Variants in CCDC148 observed in about 807,000 individuals in gnomAD.
The protein encoded by CCDC148 is coiled-coil domain containing 148, also known as coiled-coil domain-containing protein 148.
In CCDC148, 89 loss-of-function variants were observed where a neutral mutation model predicts 85.7. The ratio of observed to expected loss-of-function variants is 1.04; its 90% CI spans 0.87 to 1.24. CCDC148 has a LOEUF of 1.24. Ranked by LOEUF, CCDC148 falls within the 50% of genes most tolerant of loss-of-function variation. The pLI is 0.00. For synonymous variants in CCDC148, 230 were observed against 213.9 expected (o/e 1.08, Z -0.66); for missense variants, 692 against 671.7 (o/e 1.03, Z -0.33).
intron 1 of CCDC148, among the ~76,000 whole-genome samples, chr2:158,446,889 TC>T (rs1476665008): frequency 6.6e-6 from 1 of 152,192 alleles, no homozygotes; most frequent in Non-Finnish European, 1.5e-5. Flanking sequence ...TCTGGCTTTT[TC>T]TCTCTTGGCA....
intron 1 of CCDC148, among the ~76,000 whole-genome samples, chr2:158,368,015 C>G (rs911359144): frequency 4.6e-5 from 7 of 152,094 alleles, no homozygotes; most frequent in African/African-American, 1.7e-4. Flanking sequence ...TAGTCAGTAG[C>G]AGAACTTTCA....
At chr2:158,430,832 A>T (rs1687313228) in intron 1 of CCDC148, among the ~76,000 whole-genome samples, 1 of 152,164 alleles carries the variant, frequency 6.6e-6, no homozygotes, top group South Asian at 2.1e-4. Flanking sequence ...AAATAGATCA[A>T]ATAAGTGTTA....
At chr2:158,443,985 C>T (rs1322509309) in intron 1 of CCDC148, among the ~76,000 whole-genome samples, 1 of 152,154 alleles carries the variant, frequency 6.6e-6, no homozygotes, top group African/African-American at 2.4e-5. Flanking sequence ...ACAGTGTACC[C>T]ATATCGAAGG....
At chr2:158,177,875 G>A (rs1041757656) in intron 12 of CCDC148, among the ~76,000 whole-genome samples, 1 of 151,984 alleles carries the variant, frequency 6.6e-6, no homozygotes, top group Admixed American at 6.6e-5. Flanking sequence ...ACCTAACCTC[G>A]GTGTCTCCTC....
intron 2 of CCDC148, among the ~76,000 whole-genome samples, chr2:158,351,364 G>C (rs918891509): frequency 6.6e-6 from 1 of 152,224 alleles, no homozygotes; most frequent in Admixed American, 6.5e-5. Context: ...GTGGGCGCAG[G>C]TCAGTGGGTG....
chr2:158,331,908 G>A (rs878987740), intron 7 of CCDC148, among the ~76,000 whole-genome samples: 57 of 152,234 alleles, frequency 3.7e-4, no homozygotes, highest in Admixed American at 2.0e-4. Flanking sequence ...GTCTCTGCAC[G>A]AGAGATGGGT....
intron 1 of CCDC148, among the ~76,000 whole-genome samples, chr2:158,383,956 C>G (rs958138158): frequency 6.6e-6 from 1 of 152,176 alleles, no homozygotes; most frequent in East Asian, 1.9e-4. Flanking sequence ...AGAATTGCTA[C>G]TCAGTCTTTG....
chr2:158,210,778 C>T (rs1467644628), intron 11 of CCDC148, among the ~76,000 whole-genome samples: 2 of 69,348 alleles, frequency 2.9e-5, no homozygotes, highest in South Asian at 4.7e-4. Context: ...CGTGTCTCTA[C>T]TAAAAATACA....
At chr2:158,306,891 CA>C (rs993824174) in intron 9 of CCDC148, among the ~76,000 whole-genome samples, 4 of 149,988 alleles carry the variant, frequency 2.7e-5, no homozygotes, top group African/African-American at 9.8e-5. Flanking sequence ...TGGTTGCAGG[CA>C]CCTGTAGTCC....
At chr2:158,305,628 C>T (rs1310644269) in intron 9 of CCDC148, among the ~76,000 whole-genome samples, 2 of 151,892 alleles carry the variant, frequency 1.3e-5, no homozygotes, top group Non-Finnish European at 2.9e-5. Flanking sequence ...GTGGTGCATG[C>T]CTGTGGTCTC....
In CCDC148 at chr2:158,201,654, C is replaced by T. The variant is rs915906777; in HGVS notation, c.1370+18941G>A. Among the ~76,000 whole-genome samples the T allele has an allele frequency of 7.9e-5, 12 of 152,066 alleles. 2 individuals carry two copies. Among genetic ancestry groups the T allele is most frequent in the Admixed American group, 6.6e-4 (10 of 15,250 alleles). On this transcript the variant is annotated intron_variant, in intron 11 of 13. Transcript: ENST00000283233. Reference sequence around the variant, plus strand: ...CTGGAACTCCAGAACATAAGCAATCCAGCCATCTCGGCTTCCTAAAGTGCT... The same window carrying T: ...CTGGAACTCCAGAACATAAGCAATCTAGCCATCTCGGCTTCCTAAAGTGCT...
chr2:158,338,776 T>C lies in CCDC148; in HGVS notation c.714A>G (p.Lys238=). 3 of 1,610,666 alleles carry C rather than the reference T, an allele frequency of 1.9e-6. No homozygotes were observed. The highest frequency in any genetic ancestry group is 2.5e-6 in the Non-Finnish European group (3 of 1,179,198). ...ILSEFYKFTQ[K]YQKKLQDFNL... is the part of the protein sequence containing the mutation. ...TAAAGTCTTGAAGCTTCTTCTGATA[T>C]TTCTGTGTAAACTTATAGAACTCAC... The change falls in exon 7 of 14, where the codon AAA becomes AAG. Residue 238 remains lysine (K), a synonymous_variant. Coordinates refer to ENST00000283233, the MANE Select transcript of CCDC148 (RefSeq NM_138803.4).
At chr2:158,407,486 A>C (rs746147152) in intron 1 of CCDC148, among the ~76,000 whole-genome samples, 1 of 152,186 alleles carries the variant, frequency 6.6e-6, no homozygotes, top group Non-Finnish European at 1.5e-5. Context: ...AGTTGTATCA[A>C]AATACATGAG....
chr2:158,198,284 TC>T (rs1400361557), intron 11 of CCDC148, among the ~76,000 whole-genome samples: 4 of 152,174 alleles, frequency 2.6e-5, no homozygotes, highest in African/African-American at 9.7e-5. Context: ...CACTTGGCCT[TC>T]AGGTTCTTGA....
chr2:158,203,045 G>A (rs545894218), intron 11 of CCDC148, among the ~76,000 whole-genome samples: 1 of 152,198 alleles, frequency 6.6e-6, no homozygotes, highest in African/African-American at 2.4e-5. Context: ...GCTGCTGTAA[G>A]TAGGGAGGCT....
At chr2:158,375,149 G>A (rs546624428) in intron 1 of CCDC148, among the ~76,000 whole-genome samples, 41 of 152,156 alleles carry the variant, frequency 2.7e-4, no homozygotes, top group Middle Eastern at 3.4e-3. Flanking sequence ...CTACTGGTGA[G>A]AACCCCAGAG....
chr2:158,178,469 T>C (rs57411290), intron 12 of CCDC148, among the ~76,000 whole-genome samples: 1,696 of 152,276 alleles, frequency 0.011, 16 homozygotes, highest in African/African-American at 0.038. Context: ...TTAACACATT[T>C]GTTGACTGTG....
chr2:158,266,908 ACACACATATATACATATATATG>A (rs1465594230), intron 9 of CCDC148, among the ~76,000 whole-genome samples: 7 of 79,300 alleles, frequency 8.8e-5, no homozygotes, highest in East Asian at 3.0e-4. Flanking sequence ...ATATATATAC[ACACACATATATACATATATATG>A]CACACATATA....
intron 1 of CCDC148, among the ~76,000 whole-genome samples, chr2:158,362,107 A>G (rs1228797565): frequency 6.6e-6 from 1 of 152,202 alleles, no homozygotes; most frequent in African/African-American, 2.4e-5. Flanking sequence ...AAAGGGATCA[A>G]TGGAACAAGA....
Sources: allele counts gnomAD v4.1 joint callset (sites outside exome capture counted in the v4.1 genomes callset), GRCh38; gene constraint gnomAD v4.1.1; transcripts MANE v1.5; gene names NCBI Gene and HGNC (gene_info 2026-07-23, HGNC 2026-07-21).